Variants in SLCO3A1 observed in about 807,000 individuals in gnomAD.
SLCO3A1 encodes PGE1 transporter.
A neutral mutation model predicts 63.1 loss-of-function variants in SLCO3A1; 27 were observed. That is an observed-to-expected ratio of 0.43 (90% CI 0.32 to 0.59). The LOEUF (loss-of-function observed/expected upper bound fraction) is 0.59, where lower values mean the gene tolerates loss of function less well. Ranked by LOEUF, SLCO3A1 falls within the 20% of genes least tolerant of loss-of-function variation. SLCO3A1 has a pLI of 0.09. For synonymous variants in SLCO3A1, 473 were observed against 409.9 expected (o/e 1.15, Z -1.86); for missense variants, 773 against 945.8 (o/e 0.82, Z 2.40).
intron 1 of SLCO3A1, among the ~76,000 whole-genome samples, chr15:91,895,813 T>G (rs1031963052): frequency 6.6e-6 from 1 of 152,234 alleles, no homozygotes; most frequent in Non-Finnish European, 1.5e-5. Context: ...GGTTATTAAA[T>G]TATGTGGTGT....
chr15:92,057,287 G>T (rs1350196808), intron 2 of SLCO3A1, among the ~76,000 whole-genome samples: 1 of 152,246 alleles, frequency 6.6e-6, no homozygotes, highest in East Asian at 1.9e-4. Flanking sequence ...CAGCCTGGCA[G>T]CCCGTCATTT....
chr15:92,157,318 GAC>G (rs2048383310), intron 9 of SLCO3A1: 1 of 152,008 alleles, frequency 6.6e-6, no homozygotes, highest in African/African-American at 2.4e-5. Context: ...TTCTTCAAAA[GAC>G]ACAGTTACTA....
chr15:92,064,921 A>G (rs1422148856), intron 2 of SLCO3A1, among the ~76,000 whole-genome samples: 2 of 152,220 alleles, frequency 1.3e-5, no homozygotes, highest in African/African-American at 2.4e-5. Context: ...AAATGCAGTT[A>G]GAGAGAAGAA....
rs1165961966 is a variant in SLCO3A1 at position 91,912,394 on chromosome 15, G to C, written c.181-3599G>C. Among the ~76,000 whole-genome samples the C allele has an allele frequency of 2.6e-5, 4 of 152,220 alleles. No individual in the cohort carries two copies. Among genetic ancestry groups the C allele is most frequent in the African/African-American group, 9.6e-5 (4 of 41,458 alleles). On this transcript the variant is annotated intron_variant, in intron 1 of 9. Coordinates refer to ENST00000318445, the MANE Select transcript of SLCO3A1 (RefSeq NM_013272.4). This position sits in a 1 kb window ranked among gnomAD's most constrained non-coding sequence, Gnocchi z 5.0. ...CCAGCAGAAGGCCACAGGTCAAGGAGGGAAAGACCGTACTACTTCCTGTCA... is the reference window on the plus strand; with the variant it reads ...CCAGCAGAAGGCCACAGGTCAAGGACGGAAAGACCGTACTACTTCCTGTCA...
chr15:92,053,889 T>G (rs1472775116), intron 2 of SLCO3A1, among the ~76,000 whole-genome samples: 1 of 152,044 alleles, frequency 6.6e-6, no homozygotes, highest in Non-Finnish European at 1.5e-5. Context: ...TTTTCCTCTT[T>G]GTCTGCTGTT....
chr15:92,146,654 C>A (rs532498314), intron 7 of SLCO3A1, among the ~76,000 whole-genome samples: 1 of 152,194 alleles, frequency 6.6e-6, no homozygotes, highest in Non-Finnish European at 1.5e-5. Context: ...AATTTGGCAA[C>A]GTTTTATCAT....
In SLCO3A1 at chr15:92,150,946, G is replaced by T; in HGVS notation, c.1689-4G>T. 2 of 1,605,436 alleles carry T rather than the reference G, an allele frequency of 1.2e-6. No homozygotes were observed. The highest frequency in any genetic ancestry group is 8.5e-7 in the Non-Finnish European group (1 of 1,176,602). ...TTTTTTTCTCTTCATCTCTTTGCACGTAGGACAGTCAGCCCTGAACTCAAG... is the reference window on the plus strand; with the variant it reads ...TTTTTTTCTCTTCATCTCTTTGCACTTAGGACAGTCAGCCCTGAACTCAAG... On this transcript the variant is annotated splice_region_variant and splice_polypyrimidine_tract_variant and intron_variant, in intron 8 of 9. Transcript: ENST00000318445.
intron 1 of SLCO3A1, among the ~76,000 whole-genome samples, chr15:91,880,990 GC>G (rs1192821801): frequency 6.6e-6 from 1 of 152,186 alleles, no homozygotes; most frequent in Non-Finnish European, 1.5e-5. Context: ...GAGCTGGCTA[GC>G]CAGGCGATAT....
chr15:91,908,080 A>G (rs549251263), intron 1 of SLCO3A1, among the ~76,000 whole-genome samples: 47 of 152,232 alleles, frequency 3.1e-4, no homozygotes, highest in African/African-American at 1.1e-3. Flanking sequence ...ACAAAACTGT[A>G]AGGGGGGATT....
At chr15:92,100,454 G>A (rs1482867065) in intron 3 of SLCO3A1, among the ~76,000 whole-genome samples, 1 of 152,202 alleles carries the variant, frequency 6.6e-6, no homozygotes, top group Admixed American at 6.5e-5. Flanking sequence ...CATGTGTCTA[G>A]TTTTGTTGGC....
rs1049139253 is a variant in SLCO3A1, at chr15:91,859,321, A to T, written c.180+5233A>T. Among the ~76,000 whole-genome samples the T allele has an allele frequency of 2.6e-5, 4 of 152,116 alleles. No individual in the cohort carries two copies. Among genetic ancestry groups the T allele is most frequent in the Admixed American group, 2.6e-4 (4 of 15,274 alleles). Reference sequence around the variant, plus strand: ...ATCCTTACTCTTTCAATTCATTTTTATTTTCGGTTTCTATGTCTGTATCTG... The same window carrying T: ...ATCCTTACTCTTTCAATTCATTTTTTTTTTCGGTTTCTATGTCTGTATCTG... On this transcript the variant is annotated intron_variant, in intron 1 of 9. Coordinates refer to ENST00000318445, the MANE Select transcript of SLCO3A1 (RefSeq NM_013272.4). The surrounding 1 kb of genome is among the most constrained non-coding windows in gnomAD (Gnocchi z 5.1).
chr15:92,144,095 C>T (rs183137508), intron 7 of SLCO3A1, among the ~76,000 whole-genome samples: 219 of 152,360 alleles, frequency 1.4e-3, no homozygotes, highest in Non-Finnish European at 2.5e-3. Context: ...TATGCCTGAC[C>T]GTGTGACCTT....
At chr15:91,953,432 G>A (rs1328375210) in intron 2 of SLCO3A1, among the ~76,000 whole-genome samples, 3 of 152,144 alleles carry the variant, frequency 2.0e-5, no homozygotes, top group South Asian at 4.1e-4. Flanking sequence ...TGCGGTGGGG[G>A]GAGGAATGGT....
At chr15:92,115,292 G>A (rs139453382) in intron 4 of SLCO3A1, among the ~76,000 whole-genome samples, 24 of 152,054 alleles carry the variant, frequency 1.6e-4, no homozygotes, top group African/African-American at 5.8e-4. Flanking sequence ...GATGGCCCAG[G>A]AACTCAGCCC....
intron 3 of SLCO3A1, among the ~76,000 whole-genome samples, chr15:92,103,686 T>C (rs1167106509): frequency 6.6e-6 from 1 of 152,058 alleles, no homozygotes; most frequent in Non-Finnish European, 1.5e-5. Context: ...CTAGATGTTA[T>C]ACAGATCAGT....
intron 2 of SLCO3A1, among the ~76,000 whole-genome samples, chr15:92,020,138 T>C (rs1045128468): frequency 1.8e-4 from 27 of 152,166 alleles, no homozygotes; most frequent in Non-Finnish European, 1.3e-4. Context: ...TCTGAGTACC[T>C]CAAGTTTTTT....
At chr15:91,911,317 C>T (rs1898477842) in intron 1 of SLCO3A1, among the ~76,000 whole-genome samples, 1 of 152,158 alleles carries the variant, frequency 6.6e-6, no homozygotes, top group South Asian at 2.1e-4. Flanking sequence ...GAAGAGGAAG[C>T]TGAGTAAAGC....
intron 2 of SLCO3A1, among the ~76,000 whole-genome samples, chr15:91,988,833 G>A (rs957090983): frequency 3.9e-5 from 6 of 152,166 alleles, no homozygotes; most frequent in Non-Finnish European, 7.3e-5. Context: ...GTTTCATACA[G>A]TTAACGCAAG....
At chr15:92,055,396 T>A (rs1047917580) in intron 2 of SLCO3A1, among the ~76,000 whole-genome samples, 1 of 152,218 alleles carries the variant, frequency 6.6e-6, no homozygotes, top group African/African-American at 2.4e-5. Flanking sequence ...TTCAGTGTGT[T>A]GTCTGTTAAT....
Sources: allele counts gnomAD v4.1 joint callset (sites outside exome capture counted in the v4.1 genomes callset), GRCh38; gene constraint gnomAD v4.1.1; non-coding constraint Gnocchi (gnomAD v3.1); transcripts MANE v1.5; gene names NCBI Gene and HGNC (gene_info 2026-07-23, HGNC 2026-07-21).